Variants in DACH2 observed in about 807,000 individuals in gnomAD.
DACH2 encodes dachshund family transcription factor 2.
DACH2 carries 17 observed loss-of-function variants against 35.8 expected under a neutral mutation model. The observed-to-expected ratio is 0.48, with a 90% CI of 0.33 to 0.71. The LOEUF (loss-of-function observed/expected upper bound fraction) is 0.71. Ranked by LOEUF, DACH2 falls within the 30% of genes least tolerant of loss-of-function variation. DACH2 has a pLI of 0.02. For missense variants in DACH2, 469 were observed against 472.7 expected, an observed-to-expected ratio of 0.99 and a Z score of 0.07; for synonymous variants, 195 against 177.3, an observed-to-expected ratio of 1.10 and a Z score of -0.79.
At chrX:86,674,348 G>A (rs1442624790) in intron 4 of DACH2, among the ~76,000 whole-genome samples, 6 of 112,461 alleles carry the variant, frequency 5.3e-5, no homozygotes, top group African/African-American at 1.9e-4. Flanking sequence ...GACTTTACTA[G>A]CCACTGGGCT....
rs1276811843 is a variant in DACH2 at position 86,522,364 on chromosome X, A to T, written c.640+7973A>T. Among the ~76,000 whole-genome samples the T allele has an allele frequency of 2.7e-5, 3 of 111,702 alleles. No individual in the cohort carries two copies. The East Asian group carries it at 8.4e-4, about 31-fold the overall frequency. On this transcript the variant is annotated intron_variant, in intron 3 of 11. Coordinates refer to ENST00000373125, the MANE Select transcript of DACH2 (RefSeq NM_053281.3). ...ATACAAGTAATCAACATATTAATTA[A>T]TACTAATGCATCTTTATTCACTAAG...
intron 1 of DACH2, among the ~76,000 whole-genome samples, chrX:86,324,453 G>T (rs1009418991): frequency 9.0e-6 from 1 of 111,102 alleles, no homozygotes; most frequent in Admixed American, 9.6e-5. Context: ...TAGAGTTTGA[G>T]AGGATTGACT....
At chrX:86,365,651 C>G (rs1036675477) in intron 1 of DACH2, among the ~76,000 whole-genome samples, 3 of 111,149 alleles carry the variant, frequency 2.7e-5, no homozygotes, top group Non-Finnish European at 3.8e-5. Flanking sequence ...AATATAGGAC[C>G]TGGAAAAAAT....
chrX:86,349,427 C>T lies in DACH2; in HGVS notation c.489-27397C>T, dbSNP rs143932395. Among the ~76,000 whole-genome samples the T allele has an allele frequency of 2.2e-4, 25 of 111,655 alleles. No homozygotes were observed. The East Asian group carries it at 6.3e-3, about 28-fold the overall frequency. ...GGTTTTTATAGGCACAGGATGGGGGCGTGGCAGGCCAGGGTTGTCTTGGAA... is the reference window on the plus strand; with the variant it reads ...GGTTTTTATAGGCACAGGATGGGGGTGTGGCAGGCCAGGGTTGTCTTGGAA... On this transcript the variant is annotated intron_variant, in intron 1 of 11. Coordinates refer to ENST00000373125, the MANE Select transcript of DACH2 (RefSeq NM_053281.3).
chrX:86,400,888 C>A (rs1030135200), intron 2 of DACH2, among the ~76,000 whole-genome samples: 1 of 112,105 alleles, frequency 8.9e-6, no homozygotes, highest in Non-Finnish European at 1.9e-5. Context: ...CTGGCAGAAG[C>A]ACTACTCTCT....
chrX:86,742,570 C>T (rs149375760), intron 7 of DACH2: 3,937 of 176,876 alleles, frequency 0.022, 165 homozygotes, highest in African/African-American at 0.11. Context: ...ATTCGTCATT[C>T]GTGTGACACT....
intron 1 of DACH2, among the ~76,000 whole-genome samples, chrX:86,181,368 A>ATGTTCTCCTCCCTGTGTTCATG (rs1457125230): frequency 9.1e-6 from 1 of 110,179 alleles, no homozygotes; most frequent in African/African-American, 3.3e-5. Flanking sequence ...CTGGTGTGTG[A>ATGTTCTCCTCCCTGTGTTCATG]TGTTCTCCTC....
chrX:86,527,114 A>T (rs1364995406), intron 3 of DACH2, among the ~76,000 whole-genome samples: 1 of 111,449 alleles, frequency 9.0e-6, no homozygotes, highest in Admixed American at 9.6e-5. Context: ...TTGGGTGAAA[A>T]TTTAATAATC....
intron 1 of DACH2, among the ~76,000 whole-genome samples, chrX:86,163,344 C>A (rs961780331): frequency 9.0e-6 from 1 of 111,049 alleles, no homozygotes; most frequent in African/African-American, 3.3e-5. Context: ...ATAATGATCT[C>A]CAGTTCCATG....
intron 11 of DACH2, 105 bp downstream of exon 11, chrX:86,816,204 TA>T (rs2042450535): frequency 2.5e-6 from 1 of 406,710 alleles, no homozygotes; most frequent in Non-Finnish European, 3.9e-6. Context: ...ACTCTTCATA[TA>T]AATAAAATAA....
At chrX:86,168,684 G>T (rs1165820079) in intron 1 of DACH2, among the ~76,000 whole-genome samples, 1 of 101,644 alleles carries the variant, frequency 9.8e-6, no homozygotes, top group Non-Finnish European at 2.0e-5. Flanking sequence ...ATGTCTTTTG[G>T]TTTGAGTTTA....
chrX:86,554,165 G>C (rs1031841929), intron 3 of DACH2, among the ~76,000 whole-genome samples: 2 of 111,264 alleles, frequency 1.8e-5, no homozygotes, highest in Admixed American at 1.9e-4. Context: ...CAAGAGTTTT[G>C]ATGCTTTAGT....
intron 1 of DACH2, among the ~76,000 whole-genome samples, chrX:86,334,200 G>A (rs1602414156): frequency 8.9e-6 from 1 of 112,164 alleles, no homozygotes; most frequent in African/African-American, 3.2e-5. Flanking sequence ...ATTGTGAACA[G>A]TGCCACAATA....
chrX:86,585,344 C>T (rs1158410859), intron 3 of DACH2, among the ~76,000 whole-genome samples: 5 of 110,266 alleles, frequency 4.5e-5, no homozygotes, highest in Non-Finnish European at 9.5e-5. Flanking sequence ...AATAGTTATT[C>T]TGATGGATGT....
chrX:86,614,544 T>C (rs2039982980), intron 3 of DACH2, among the ~76,000 whole-genome samples: 1 of 111,596 alleles, frequency 9.0e-6, no homozygotes, highest in East Asian at 2.8e-4. Context: ...AGTTTAGAGT[T>C]TCCCATTTGT....
intron 1 of DACH2, among the ~76,000 whole-genome samples, chrX:86,282,834 G>T (rs1251099296): frequency 7.9e-5 from 2 of 25,172 alleles, no homozygotes; most frequent in Non-Finnish European, 1.2e-4. Context: ...CTGGAGTGCA[G>T]TGGCGGGATC....
intron 11 of DACH2, among the ~76,000 whole-genome samples, chrX:86,818,933 A>G (rs2042479872): frequency 9.2e-6 from 1 of 108,910 alleles, no homozygotes; most frequent in African/African-American, 3.3e-5. Flanking sequence ...TAATTTCCAC[A>G]TGGGTTTTAG....
intron 1 of DACH2, among the ~76,000 whole-genome samples, chrX:86,299,021 G>C (rs1332969092): frequency 8.9e-6 from 1 of 111,971 alleles, no homozygotes; most frequent in Non-Finnish European, 1.9e-5. Flanking sequence ...TCAGTCCATA[G>C]TCAACTTGCA....
At chrX:86,472,218 A>G (rs2037771141) in intron 2 of DACH2, among the ~76,000 whole-genome samples, 1 of 111,663 alleles carries the variant, frequency 9.0e-6, no homozygotes, top group Non-Finnish European at 1.9e-5. Flanking sequence ...GCCCTTTGTA[A>G]TCACAAAGAT....
Sources: allele counts gnomAD v4.1 joint callset (sites outside exome capture counted in the v4.1 genomes callset), GRCh38; gene constraint gnomAD v4.1.1; transcripts MANE v1.5; gene names NCBI Gene and HGNC (gene_info 2026-07-23, HGNC 2026-07-21).